Variants in ADGRD1 observed in about 807,000 individuals in gnomAD.
ADGRD1 encodes the protein adhesion G protein-coupled receptor D1.
A neutral mutation model predicts 113.4 loss-of-function variants in ADGRD1; 77 were observed. The observed-to-expected ratio is 0.68, with a 90% CI of 0.57 to 0.82. ADGRD1 has a LOEUF of 0.82. Ranked by LOEUF, ADGRD1 falls within the 40% of genes least tolerant of loss-of-function variation. ADGRD1 has a pLI of 0.00. For synonymous variants in ADGRD1, 474 were observed against 475.0 expected, an observed-to-expected ratio of 1.00 and a Z score of 0.03; for missense variants, 1,036 against 1,139.1, an observed-to-expected ratio of 0.91 and a Z score of 1.30.
intron 15 of ADGRD1, among the ~76,000 whole-genome samples, chr12:131,104,346 G>A (rs926660908): frequency 1.3e-5 from 2 of 152,224 alleles, no homozygotes; most frequent in African/African-American, 2.4e-5. Context: ...AGCACTTTAT[G>A]TTTGTAAATT....
chr12:131,139,046 C>T (rs1951180540), intron 24 of ADGRD1, 122 bp from the exon 25 acceptor site: 1 of 701,426 alleles, frequency 1.4e-6, no homozygotes, highest in Non-Finnish European at 2.5e-6. Context: ...TCTCTCTGCA[C>T]CTTTCCTCCC....
intron 13 of ADGRD1, among the ~76,000 whole-genome samples, chr12:131,076,169 A>G (rs1299548561): frequency 6.6e-6 from 1 of 152,196 alleles, no homozygotes. Flanking sequence ...TTGAACAGAT[A>G]TTTAGTAAGC....
intron 13 of ADGRD1, among the ~76,000 whole-genome samples, chr12:131,053,104 G>A (rs1253760077): frequency 2.6e-5 from 4 of 152,172 alleles, no homozygotes; most frequent in African/African-American, 7.2e-5. Flanking sequence ...CGGTCAGATC[G>A]GGGCACTGGG....
At chr12:131,063,606 G>A (rs1028441125) in intron 13 of ADGRD1, among the ~76,000 whole-genome samples, 1 of 152,116 alleles carries the variant, frequency 6.6e-6, no homozygotes, top group Admixed American at 6.5e-5. Flanking sequence ...CCAGGTTCTC[G>A]GCTCTGTCTC....
At position 131,084,606 on chromosome 12, in the gene ADGRD1, C is replaced by G. The variant is rs1886320718; in HGVS notation, c.1614C>G (p.Val538=). The G allele has an allele frequency of 6.2e-7, 1 of 1,614,052 alleles. No homozygotes were observed. The highest frequency in any genetic ancestry group is 1.3e-5 in the African/African-American group (1 of 74,924). ...CGAGAGGAAACCTCACCTACTCCGT[C>G]TGCCGCTGCACTCACCTCACCAACT... The part of the protein sequence containing the change: ...ALTRGNLTYS[V]CRCTHLTNFA... The change falls in exon 15 of 25, where the codon GTC becomes GTG. Residue 538 remains valine, a synonymous_variant. Transcript: ENST00000261654. The surrounding 1 kb of genome is among the most constrained non-coding windows in gnomAD (Gnocchi z 4.5).
intron 13 of ADGRD1, among the ~76,000 whole-genome samples, chr12:131,067,322 G>A (rs906752054): frequency 6.6e-6 from 1 of 152,188 alleles, no homozygotes; most frequent in African/African-American, 2.4e-5. Context: ...TGTCTAGCTG[G>A]GCACGTTGCC....
At chr12:131,132,128 G>A (rs1318824358) in intron 21 of ADGRD1, among the ~76,000 whole-genome samples, 1 of 152,216 alleles carries the variant, frequency 6.6e-6, no homozygotes, top group Non-Finnish European at 1.5e-5. Context: ...AGATTCTAGA[G>A]CCAGAAAGCC....
At chr12:131,079,061 T>C (rs1427736305) in intron 14 of ADGRD1, among the ~76,000 whole-genome samples, 1 of 152,172 alleles carries the variant, frequency 6.6e-6, no homozygotes, top group Non-Finnish European at 1.5e-5. Flanking sequence ...TGTTCCTATA[T>C]AGTTTTGCTT....
At chr12:131,044,130 GT>G (rs1163175488) in intron 13 of ADGRD1, among the ~76,000 whole-genome samples, 1 of 152,230 alleles carries the variant, frequency 6.6e-6, no homozygotes, top group African/African-American at 2.4e-5. Context: ...ACACACCTCT[GT>G]GGGGACTTAG....
chr12:131,089,385 G>A (rs1162260329), intron 15 of ADGRD1, among the ~76,000 whole-genome samples: 1 of 152,252 alleles, frequency 6.6e-6, no homozygotes, highest in Non-Finnish European at 1.5e-5. Context: ...TGCAGAGTGG[G>A]CACCGGCCCC....
chr12:130,966,945 TAG>T lies in ADGRD1; in HGVS notation c.187+406_187+407del, dbSNP rs1227087962. On this transcript the variant is annotated intron_variant, in intron 3 of 24. Transcript: ENST00000261654. This position sits in a 1 kb window ranked among gnomAD's most constrained non-coding sequence, Gnocchi z 4.6. ...ACGAAGCATTTTACTAGAATTTTTA[TAG>T]AGAGAGCTATTGCGTATTGAATGGG... 2 of 438,120 alleles carry T rather than the reference TAG, an allele frequency of 4.6e-6. No individual in the cohort carries two copies. Among genetic ancestry groups the T allele is most frequent in the African/African-American group, 2.0e-5 (1 of 49,820 alleles). The allele number at this position is 438,120 out of a possible 1,614,324, so 27.1% of individuals were successfully genotyped here.
intron 13 of ADGRD1, among the ~76,000 whole-genome samples, chr12:131,064,648 T>G (rs1884577150): frequency 6.6e-6 from 1 of 152,232 alleles, no homozygotes; most frequent in Non-Finnish European, 1.5e-5. Flanking sequence ...TGGCACTTGG[T>G]CTCTTTAAGG....
rs1179571258 is a variant in ADGRD1 at position 131,041,731 on chromosome 12, T to C, written c.1473+27391T>C. 1.3e-5 allele frequency among the ~76,000 whole-genome samples: 2 copies of C among 152,304 alleles called. No homozygotes were observed. Among genetic ancestry groups the C allele is most frequent in the East Asian group, 1.9e-4 (1 of 5,172 alleles). On this transcript the variant is annotated intron_variant, in intron 13 of 24. Coordinates refer to ENST00000261654, the MANE Select transcript of ADGRD1 (RefSeq NM_198827.5). The surrounding 1 kb of genome is among the most constrained non-coding windows in gnomAD (Gnocchi z 4.4). Reference sequence around the variant, plus strand: ...AGGGAGCAGTTCCCGGGGAACACACTGCACGCTGTTGCCGCAGCCTCCCCC... The same window carrying C: ...AGGGAGCAGTTCCCGGGGAACACACCGCACGCTGTTGCCGCAGCCTCCCCC...
At chr12:131,059,694 G>A (rs569280984) in intron 13 of ADGRD1, among the ~76,000 whole-genome samples, 26 of 152,254 alleles carry the variant, frequency 1.7e-4, no homozygotes, top group East Asian at 1.5e-3. Flanking sequence ...ATGCTCAGCC[G>A]GGTACATATA....
intron 17 of ADGRD1, 67 bp downstream of exon 17, chr12:131,105,932 C>A: frequency 8.7e-7 from 1 of 1,152,508 alleles, no homozygotes. Flanking sequence ...CACCGGGTGG[C>A]ACCTTCTGCT....
At chr12:131,016,728 A>G (rs1319485055) in intron 13 of ADGRD1, among the ~76,000 whole-genome samples, 1 of 152,190 alleles carries the variant, frequency 6.6e-6, no homozygotes, top group Non-Finnish European at 1.5e-5. Context: ...TCCCGTCTCT[A>G]CTAAAAATAC....
intron 14 of ADGRD1, among the ~76,000 whole-genome samples, chr12:131,082,928 C>T (rs1309749127): frequency 6.6e-6 from 1 of 152,182 alleles, no homozygotes; most frequent in Admixed American, 6.5e-5. Flanking sequence ...CTCAGAGCCA[C>T]CCCTGGGTCA....
chr12:131,051,150 C>T (rs988262108), intron 13 of ADGRD1, among the ~76,000 whole-genome samples: 8 of 152,346 alleles, frequency 5.3e-5, no homozygotes, highest in East Asian at 3.9e-4. Context: ...CTGCCTCAGA[C>T]GGGCACTGTC....
At chr12:131,099,561 C>T (rs1950021784) in intron 15 of ADGRD1, among the ~76,000 whole-genome samples, 1 of 152,182 alleles carries the variant, frequency 6.6e-6, no homozygotes, top group Admixed American at 6.5e-5. Context: ...GTGTGCATGC[C>T]ATTTCTTCTT....
Sources: allele counts gnomAD v4.1 joint callset (sites outside exome capture counted in the v4.1 genomes callset), GRCh38; gene constraint gnomAD v4.1.1; non-coding constraint Gnocchi (gnomAD v3.1); transcripts MANE v1.5; gene names NCBI Gene and HGNC (gene_info 2026-07-23, HGNC 2026-07-21).